Variants in GLIS3 observed in about 807,000 individuals in gnomAD.
GLIS3 encodes the protein GLIS family zinc finger 3, also known as zinc finger protein GLIS3.
Under a neutral mutation model 78.6 loss-of-function variants are expected in GLIS3, and 53 were observed. The observed-to-expected ratio is 0.67, with a 90% CI of 0.54 to 0.85. GLIS3 has a LOEUF of 0.85. GLIS3 is among the 40% of genes least tolerant of loss of function. GLIS3 has a pLI of 0.00. For synonymous variants in GLIS3, 684 were observed against 509.9 expected (o/e 1.34, Z -4.60); for missense variants, 1,703 against 1,231.1 (o/e 1.38, Z -5.74).
chr9:4,345,700 G>A (rs746545332), intron 2 of GLIS3, among the ~76,000 whole-genome samples: 2 of 152,166 alleles, frequency 1.3e-5, no homozygotes, highest in Admixed American at 1.3e-4. Flanking sequence ...AGAGTAGAAT[G>A]TTAATAGGTA....
In GLIS3 at chr9:4,183,711, C is replaced by T. The variant is rs781759451; in HGVS notation, c.389-57770G>A. 3.6e-4 allele frequency among the ~76,000 whole-genome samples: 55 copies of T among 152,280 alleles called. 1 individual carries two copies. Among genetic ancestry groups the T allele is most frequent in the Admixed American group, 1.5e-3 (23 of 15,286 alleles). On this transcript the variant is annotated intron_variant, in intron 2 of 10. Transcript: ENST00000381971. ...TTACAAAATTTAAAAAATAATACTT[C>T]CTAAATTACTTTCAACTAGACTAGC... is the stretch of plus-strand genomic sequence containing the variant.
the GLIS3 span, among the ~76,000 whole-genome samples, chr9:4,452,117 C>G: frequency 2.0e-5 from 3 of 152,054 alleles, no homozygotes; most frequent in East Asian, 5.8e-4. Flanking sequence ...TGATAAAATT[C>G]AACACCCCTT....
At chr9:4,282,479 G>C (rs969901611) in intron 2 of GLIS3, among the ~76,000 whole-genome samples, 3 of 152,150 alleles carry the variant, frequency 2.0e-5, no homozygotes, top group Admixed American at 2.0e-4. Flanking sequence ...AATTCTTCCT[G>C]CCTGATTGCC....
At chr9:3,901,337 C>G (rs10974068) in intron 6 of GLIS3, 1 of 153,304 alleles carries the variant, frequency 6.5e-6, no homozygotes, top group African/African-American at 2.4e-5. Flanking sequence ...AAAGCTGGCT[C>G]GCACCAATCT....
intron 4 of GLIS3, among the ~76,000 whole-genome samples, chr9:4,049,783 C>T (rs987938508): frequency 3.6e-4 from 55 of 152,110 alleles, no homozygotes; most frequent in Non-Finnish European, 6.3e-4. Flanking sequence ...AAAAAGTGGG[C>T]AAAGGATATG....
chr9:3,922,018 C>T lies in GLIS3; in HGVS notation c.1983+10342G>A, dbSNP rs191446022. Among the ~76,000 whole-genome samples the T allele has an allele frequency of 7.3e-4, 111 of 151,832 alleles. 2 individuals carry two copies. Among genetic ancestry groups the T allele is most frequent in the Admixed American group, 7.2e-3 (110 of 15,224 alleles). On this transcript the variant is annotated intron_variant, in intron 6 of 10. Coordinates refer to ENST00000381971, the MANE Select transcript of GLIS3 (RefSeq NM_001042413.2). Reference sequence around the variant, plus strand: ...TAGTCCTAACAGAAATTCAAACAAACTGTTACAAATTTTGGGGAAGTCATT... The same window carrying T: ...TAGTCCTAACAGAAATTCAAACAAATTGTTACAAATTTTGGGGAAGTCATT...
At chr9:3,830,199 T>C (rs181223439) in intron 9 of GLIS3, among the ~76,000 whole-genome samples, 2 of 148,936 alleles carry the variant, frequency 1.3e-5, no homozygotes, top group East Asian at 3.9e-4. Context: ...ATTTCATCTA[T>C]TCCTTTCAAT....
chr9:4,383,137 G>T, the GLIS3 span, among the ~76,000 whole-genome samples: 3 of 152,226 alleles, frequency 2.0e-5, no homozygotes, highest in East Asian at 5.8e-4. Context: ...GAGAAAGCAA[G>T]AACTGAAACG....
intron 4 of GLIS3, among the ~76,000 whole-genome samples, chr9:3,992,731 T>C (rs1232527690): frequency 6.6e-6 from 1 of 152,258 alleles, no homozygotes; most frequent in Admixed American, 6.5e-5. Context: ...ACTACCTTTG[T>C]AAAGGTATCC....
intron 2 of GLIS3, among the ~76,000 whole-genome samples, chr9:4,225,023 T>A (rs998471513): frequency 2.0e-5 from 3 of 151,950 alleles, no homozygotes; most frequent in Non-Finnish European, 4.4e-5. Flanking sequence ...CTGGTAAGCC[T>A]TCACATTTGC....
chr9:4,420,378 C>T, the GLIS3 span, among the ~76,000 whole-genome samples: 1 of 152,176 alleles, frequency 6.6e-6, no homozygotes, highest in Admixed American at 6.5e-5. Context: ...GTATATCCCA[C>T]TAACCTAACG....
chr9:4,054,465 GAA>G (rs1307166417), intron 4 of GLIS3: 1 of 985,286 alleles, frequency 1.0e-6, no homozygotes, highest in Admixed American at 6.1e-5. Flanking sequence ...GCTCTGGAGT[GAA>G]TTCTTCAGTC....
chr9:3,915,783 C>T (rs1285619314), intron 6 of GLIS3, among the ~76,000 whole-genome samples: 1 of 152,122 alleles, frequency 6.6e-6, no homozygotes, highest in Non-Finnish European at 1.5e-5. Context: ...CCTCAGATCT[C>T]TGCAAAGAGT....
rs777079022 is a variant in GLIS3, at chr9:3,824,634, A to G, written c.*3638T>C. On this transcript the variant is annotated 3_prime_UTR_variant, in exon 11 of 11. Coordinates refer to ENST00000381971, the MANE Select transcript of GLIS3 (RefSeq NM_001042413.2). ...TATACATATTAATAGAAAAAAGTGT[A>G]CCTAATTCTTTAAAAGATTTATGAC... The G allele has an allele frequency of 6.6e-6, 1 of 152,630 alleles. No individual in the cohort carries two copies. The highest frequency in any genetic ancestry group is 1.9e-4 in the East Asian group (1 of 5,198). The allele number at this position is 152,630 out of a possible 1,614,324, so 9.5% of individuals were successfully genotyped here.
At chr9:3,931,619 G>C (rs767210127) in intron 6 of GLIS3, among the ~76,000 whole-genome samples, 28 of 152,278 alleles carry the variant, frequency 1.8e-4, no homozygotes, top group Middle Eastern at 6.8e-3. Flanking sequence ...GCCTTGAAAG[G>C]TAGTAAGCTC....
At chr9:4,187,706 T>C (rs1438681686) in intron 2 of GLIS3, among the ~76,000 whole-genome samples, 49 of 152,264 alleles carry the variant, frequency 3.2e-4, no homozygotes, top group African/African-American at 6.0e-4. Context: ...TGAAGAGGTC[T>C]TTCACATCCC....
At chr9:4,170,304 T>C (rs746366855) in intron 2 of GLIS3, among the ~76,000 whole-genome samples, 2 of 152,170 alleles carry the variant, frequency 1.3e-5, no homozygotes, top group African/African-American at 4.8e-5. Flanking sequence ...GACTTGGAAA[T>C]AGGCTGAAGG....
chr9:3,891,231 A>AAC (rs1027921051), intron 7 of GLIS3, among the ~76,000 whole-genome samples: 4 of 152,194 alleles, frequency 2.6e-5, no homozygotes, highest in African/African-American at 7.2e-5. Flanking sequence ...TTAGGTGCTG[A>AAC]ACACTTACTA....
At chr9:4,251,325 T>G (rs1165777399) in intron 2 of GLIS3, among the ~76,000 whole-genome samples, 3 of 152,222 alleles carry the variant, frequency 2.0e-5, no homozygotes, top group African/African-American at 7.2e-5. Context: ...GATAGTTTAC[T>G]CTACTTGTTG....
Sources: gnomAD v4.1 joint callset for allele counts (sites outside exome capture counted in the v4.1 genomes callset) on GRCh38, gnomAD v4.1.1 for gene constraint, MANE v1.5 for transcripts, NCBI Gene and HGNC (gene_info 2026-07-23, HGNC 2026-07-21) for gene names.